Variants in ADAMTSL3 observed in about 807,000 individuals in gnomAD.
ADAMTSL3 encodes the protein ADAMTS-like protein 3.
ADAMTSL3 carries 128 observed loss-of-function variants against 201.7 expected under a neutral mutation model. The ratio of observed to expected loss-of-function variants is 0.63; its 90% confidence interval spans 0.55 to 0.73. ADAMTSL3 has a LOEUF of 0.73. Ranked by LOEUF, ADAMTSL3 falls within the 30% of genes least tolerant of loss-of-function variation. The pLI is 0.00. For synonymous variants in ADAMTSL3, 738 were observed against 748.4 expected (o/e 0.99, Z 0.23); for missense variants, 1,990 against 2,119.6 (o/e 0.94, Z 1.20).
intron 8 of ADAMTSL3, among the ~76,000 whole-genome samples, chr15:83,865,859 A>G (rs2064964000): frequency 6.6e-6 from 1 of 152,170 alleles, no homozygotes; most frequent in Non-Finnish European, 1.5e-5. Context: ...TTTGCAATCT[A>G]CTCATCTGAC....
chr15:83,990,542 G>A (rs771651457), intron 22 of ADAMTSL3, among the ~76,000 whole-genome samples: 11 of 152,070 alleles, frequency 7.2e-5, no homozygotes, highest in Non-Finnish European at 1.3e-4. Flanking sequence ...CTCTTATTAC[G>A]CTGGGCCCAA....
chr15:83,717,200 T>C (rs1019280701), intron 3 of ADAMTSL3, among the ~76,000 whole-genome samples: 5 of 152,170 alleles, frequency 3.3e-5, no homozygotes, highest in Non-Finnish European at 7.4e-5. Context: ...CAAATGTTGA[T>C]TGAATCTCTG....
chr15:84,037,858 G>T lies in ADAMTSL3; in HGVS notation c.*52G>T. Reference sequence around the variant, plus strand: ...GTGAAGATAAAAGTAGAATATAAAAGCTCTTTTCCCCATGTCGCTGATTCA... The same window carrying T: ...GTGAAGATAAAAGTAGAATATAAAATCTCTTTTCCCCATGTCGCTGATTCA... On this transcript the variant is annotated 3_prime_UTR_variant, in exon 30 of 30. Transcript: ENST00000286744. The T allele has an allele frequency of 6.4e-7, 1 of 1,560,402 alleles. No individual in the cohort carries two copies. Among genetic ancestry groups the T allele is most frequent in the Non-Finnish European group, 8.6e-7 (1 of 1,160,020 alleles).
intron 28 of ADAMTSL3, among the ~76,000 whole-genome samples, chr15:84,034,439 G>A (rs2068466735): frequency 6.6e-6 from 1 of 152,136 alleles, no homozygotes; most frequent in Non-Finnish European, 1.5e-5. Context: ...GAAGGTTTTG[G>A]GAGCTGTGGC....
At chr15:83,882,040 C>G (rs1019944215) in intron 9 of ADAMTSL3, among the ~76,000 whole-genome samples, 2 of 151,920 alleles carry the variant, frequency 1.3e-5, no homozygotes, top group Admixed American at 6.6e-5. Context: ...CCTGTAGTCT[C>G]AGCTACTTGG....
chr15:83,986,152 TGAC>T, intron 21 of ADAMTSL3, among the ~76,000 whole-genome samples: 1 of 152,186 alleles, frequency 6.6e-6, no homozygotes, highest in East Asian at 1.9e-4. Context: ...AAACTAGCTT[TGAC>T]TTCATAGACT....
At chr15:83,696,758 A>G (rs1028502369) in intron 2 of ADAMTSL3, among the ~76,000 whole-genome samples, 1 of 152,222 alleles carries the variant, frequency 6.6e-6, no homozygotes, top group African/African-American at 2.4e-5. Flanking sequence ...TAGCAGTGAC[A>G]AGGAGGCAGA....
At chr15:83,921,675 A>G (rs2066145492) in intron 16 of ADAMTSL3, among the ~76,000 whole-genome samples, 1 of 152,110 alleles carries the variant, frequency 6.6e-6, no homozygotes, top group Non-Finnish European at 1.5e-5. Flanking sequence ...TTATTTCTTG[A>G]TGAAGGATAA....
At position 83,982,902 on chromosome 15, in the gene ADAMTSL3, GATA is replaced by G; in HGVS notation, c.3275_3277del (p.Asp1092_Thr1093delinsAla). The G allele has an allele frequency of 6.2e-7, 1 of 1,614,010 alleles. No individual in the cohort carries two copies. The highest frequency in any genetic ancestry group is 1.1e-5 in the South Asian group (1 of 91,078). ...AGTTAAACAAGGAGCATATAGCATG[GATA>G]CAGCCCAGTTTGATGAGCTGATAAG... On this transcript the variant is annotated inframe_deletion, in exon 21 of 30. Transcript: ENST00000286744.
At chr15:83,690,918 A>G (rs1018189279) in intron 2 of ADAMTSL3, among the ~76,000 whole-genome samples, 1 of 152,252 alleles carries the variant, frequency 6.6e-6, no homozygotes. Context: ...GAGCACAAAT[A>G]TGCCTTGTCA....
At chr15:83,681,373 T>C (rs1457172278) in intron 2 of ADAMTSL3, among the ~76,000 whole-genome samples, 1 of 152,200 alleles carries the variant, frequency 6.6e-6, no homozygotes, top group Admixed American at 6.5e-5. Flanking sequence ...AAATAAGTCA[T>C]GTGGACATAC....
chr15:83,750,541 C>A lies in ADAMTSL3; in HGVS notation c.190-22982C>A, dbSNP rs1021671290. On this transcript the variant is annotated intron_variant, in intron 3 of 29. Coordinates refer to ENST00000286744, the MANE Select transcript of ADAMTSL3 (RefSeq NM_207517.3). ...CTTCTTTTTCAAAATGGTTCACAGA[C>A]AGATTTTTGCATGGGGGAGACTTTT... Among the ~76,000 whole-genome samples the A allele has an allele frequency of 2.1e-5, 3 of 142,032 alleles. No homozygotes were observed. In the Admixed American group the frequency reaches 2.4e-4, roughly 11 times the overall value. 93.2% of individuals were successfully genotyped at this position (142,032 alleles called of 152,430 possible).
chr15:83,949,258 A>G (rs2066714975), intron 19 of ADAMTSL3, among the ~76,000 whole-genome samples: 1 of 152,088 alleles, frequency 6.6e-6, no homozygotes, highest in Non-Finnish European at 1.5e-5. Flanking sequence ...AGAACATGTG[A>G]TGTTTGTCTT....
At chr15:83,972,709 A>C (rs1038490200) in intron 20 of ADAMTSL3, among the ~76,000 whole-genome samples, 4 of 152,202 alleles carry the variant, frequency 2.6e-5, no homozygotes, top group Non-Finnish European at 5.9e-5. Flanking sequence ...CCAAACATGT[A>C]GGTCATGAAG....
At chr15:83,869,594 C>T (rs187675051) in intron 8 of ADAMTSL3, among the ~76,000 whole-genome samples, 45 of 152,304 alleles carry the variant, frequency 3.0e-4, no homozygotes, top group Non-Finnish European at 4.4e-5. Flanking sequence ...ATTCCTGCAG[C>T]TGCTCCAGTG....
rs192450834 is a variant in ADAMTSL3, at chr15:83,709,559, G to A, written c.189+5051G>A. Among the ~76,000 whole-genome samples, 262 of 152,148 alleles carry A rather than the reference G, an allele frequency of 1.7e-3. 2 individuals are homozygous for A. The highest frequency in any genetic ancestry group is 6.1e-3 in the African/African-American group (255 of 41,484). Reference sequence around the variant, plus strand: ...TGAGTAAGTCAGTTTTTGGAGATCTGCTCTGTCTTTCTCTGCCTAGATCAC... The same window carrying A: ...TGAGTAAGTCAGTTTTTGGAGATCTACTCTGTCTTTCTCTGCCTAGATCAC... On this transcript the variant is annotated intron_variant, in intron 3 of 29. Transcript: ENST00000286744.
chr15:83,911,861 G>A (rs1385272520), intron 15 of ADAMTSL3, among the ~76,000 whole-genome samples: 2 of 152,172 alleles, frequency 1.3e-5, no homozygotes, highest in Non-Finnish European at 2.9e-5. Flanking sequence ...AGTGTTTTCT[G>A]AAGTCATTTA....
chr15:83,896,194 C>T (rs1420501302), intron 13 of ADAMTSL3, among the ~76,000 whole-genome samples: 1 of 152,004 alleles, frequency 6.6e-6, no homozygotes, highest in African/African-American at 2.4e-5. Flanking sequence ...GCTACTGACC[C>T]GGAAGTGGGT....
intron 2 of ADAMTSL3, among the ~76,000 whole-genome samples, chr15:83,674,746 CATATATACACACATAT>C (rs2061375087): frequency 9.8e-6 from 1 of 101,844 alleles, no homozygotes; most frequent in Non-Finnish European, 2.1e-5. Flanking sequence ...CACATATATA[CATATATACACACATAT>C]ATACATATAT....
Sources: gnomAD v4.1 joint callset for allele counts (sites outside exome capture counted in the v4.1 genomes callset) on GRCh38, gnomAD v4.1.1 for gene constraint, MANE v1.5 for transcripts, NCBI Gene and HGNC (gene_info 2026-07-23, HGNC 2026-07-21) for gene names.